LSM12: variants seen among roughly 807,000 people sequenced by gnomAD.
LSM12 encodes protein LSM12.
For missense variants in LSM12, 108 were observed against 238.9 expected, an observed-to-expected ratio of 0.45 and a Z score of 3.61; for synonymous variants, 74 against 87.3, an observed-to-expected ratio of 0.85 and a Z score of 0.85.
chr17:44,051,389 CAAAAAAAAAA>C lies in LSM12; in HGVS notation c.259-11143_259-11134del, dbSNP rs57974319. Among the ~76,000 whole-genome samples the C allele has an allele frequency of 6.1e-4, 70 of 114,932 alleles. 1 individual carries two copies. The Middle Eastern group carries it at 0.034, about 57-fold the overall frequency. 75.4% of individuals were successfully genotyped at this position (114,932 alleles called of 152,430 possible). ...CTGGCGACAGAGCGAGACTCCGTCT[CAAAAAAAAAA>C]AAAAAAAAAAAAAAAAATTAGCTGG... On this transcript the variant is annotated intron_variant, in intron 2 of 4. Coordinates refer to ENST00000293406, the MANE Select transcript of LSM12 (RefSeq NM_001371445.1).
At chr17:44,040,928 C>G (rs2049479278) in intron 2 of LSM12, among the ~76,000 whole-genome samples, 1 of 151,700 alleles carries the variant, frequency 6.6e-6, no homozygotes, top group Non-Finnish European at 1.5e-5. Context: ...CTGCAGGGAG[C>G]TGAGATCGCG....
In LSM12 at chr17:44,062,091, G is replaced by A. The variant is rs756114265; in HGVS notation, c.258+1710C>T. 5.3e-5 allele frequency among the ~76,000 whole-genome samples: 8 copies of A among 152,036 alleles called. No homozygotes were observed. The South Asian group carries it at 6.3e-4, about 12-fold the overall frequency. ...AAAAAAGTTAGCCGGGCGTGGTGTC[G>A]GGCGCCTGTAGTCCCAGCTACTAGG... On this transcript the variant is annotated intron_variant, in intron 2 of 4. Transcript: ENST00000293406.
intron 2 of LSM12, among the ~76,000 whole-genome samples, chr17:44,052,841 A>G (rs1476945700): frequency 2.6e-5 from 4 of 151,118 alleles, no homozygotes; most frequent in Admixed American, 2.0e-4. Flanking sequence ...TTACATAATT[A>G]ATAAATAAAT....
chr17:44,050,128 T>C (rs1466827777), intron 2 of LSM12, among the ~76,000 whole-genome samples: 1 of 152,024 alleles, frequency 6.6e-6, no homozygotes, highest in Non-Finnish European at 1.5e-5. Context: ...AGATGGAGTT[T>C]CTCTCTTGTT....
At chr17:44,063,663 T>A (rs766453766) in intron 2 of LSM12, 138 bp downstream of exon 2, 3 of 1,048,102 alleles carry the variant, frequency 2.9e-6, no homozygotes, top group Non-Finnish European at 3.9e-6. Context: ...AAACCTACAT[T>A]TTTTAAAAAG....
upstream of LSM12, among the ~76,000 whole-genome samples, chr17:44,067,234 A>AGGTT (rs2049892136): frequency 1.3e-5 from 2 of 152,236 alleles, no homozygotes; most frequent in Non-Finnish European, 2.9e-5. Context: ...TGGAAGGCGG[A>AGGTT]GGTTGCACTG....
chr17:44,048,018 AACACACAC>A (rs57164806), intron 2 of LSM12, among the ~76,000 whole-genome samples: 10,239 of 137,398 alleles, frequency 0.075, 615 homozygotes, highest in African/African-American at 0.16. Flanking sequence ...GTCCGTATTA[AACACACAC>A]ACACACACAC....
intron 2 of LSM12, among the ~76,000 whole-genome samples, chr17:44,057,343 T>A (rs1196363535): frequency 6.9e-6 from 1 of 144,294 alleles, no homozygotes; most frequent in African/African-American, 2.5e-5. Flanking sequence ...AGAGACGGGG[T>A]TTCACCATGT....
chr17:44,057,054 G>A (rs2049724529), intron 2 of LSM12, among the ~76,000 whole-genome samples: 1 of 152,016 alleles, frequency 6.6e-6, no homozygotes, highest in South Asian at 2.1e-4. Context: ...TACTCGGGAG[G>A]CTGAGACAGG....
chr17:44,043,446 C>T (rs2049520937), intron 2 of LSM12, among the ~76,000 whole-genome samples: 1 of 152,028 alleles, frequency 6.6e-6, no homozygotes, highest in Non-Finnish European at 1.5e-5. Context: ...ACAAGAAAGC[C>T]TTGTAGTTTC....
At chr17:44,062,304 CT>C (rs1321073367) in intron 2 of LSM12, among the ~76,000 whole-genome samples, 3 of 151,730 alleles carry the variant, frequency 2.0e-5, no homozygotes, top group African/African-American at 7.3e-5. Context: ...AAGCATTCCC[CT>C]TTACTCTCAA....
At chr17:44,038,967 G>A (rs72822645) in intron 3 of LSM12, among the ~76,000 whole-genome samples, 21,765 of 152,186 alleles carry the variant, frequency 0.14, 2,026 homozygotes, top group Non-Finnish European at 0.2. Context: ...AGTGTGGGGT[G>A]GGGGGAGGCG....
At chr17:44,062,673 G>C (rs999495864) in intron 2 of LSM12, among the ~76,000 whole-genome samples, 1 of 152,058 alleles carries the variant, frequency 6.6e-6, no homozygotes, top group Non-Finnish European at 1.5e-5. Context: ...GATCACTTGA[G>C]GTCAGAAGTT....
chr17:44,060,353 C>T (rs900683834), intron 2 of LSM12, among the ~76,000 whole-genome samples: 2 of 152,082 alleles, frequency 1.3e-5, no homozygotes, highest in Non-Finnish European at 2.9e-5. Flanking sequence ...TAACTTTTCA[C>T]GTCATTCATG....
chr17:44,062,649 G>A (rs1431805076), intron 2 of LSM12, among the ~76,000 whole-genome samples: 1 of 152,124 alleles, frequency 6.6e-6, no homozygotes, highest in Non-Finnish European at 1.5e-5. Context: ...CACTTTGGGA[G>A]GCTGAGGCAG....
At chr17:44,047,119 A>G (rs2049579765) in intron 2 of LSM12, among the ~76,000 whole-genome samples, 2 of 152,208 alleles carry the variant, frequency 1.3e-5, no homozygotes, top group African/African-American at 4.8e-5. Context: ...GCAGAAGTAT[A>G]GCAGTTTCAC....
intron 2 of LSM12, among the ~76,000 whole-genome samples, chr17:44,041,861 A>C (rs546995057): frequency 1.1e-4 from 16 of 152,362 alleles, no homozygotes; most frequent in African/African-American, 3.8e-4. Context: ...AATGCATCTT[A>C]AAAGTCCAAC....
chr17:44,067,480 TC>T (rs1423885355), upstream of LSM12: 8 of 152,330 alleles, frequency 5.3e-5, no homozygotes, highest in East Asian at 1.5e-3. Context: ...TATTGTCACT[TC>T]TTGAGCATCT....
At chr17:44,067,428 G>C (rs2049893569), upstream of LSM12, 2 of 152,232 alleles carry the variant, frequency 1.3e-5, no homozygotes, top group African/African-American at 4.8e-5. Flanking sequence ...ACCTGACCTT[G>C]AGCAAGCAAA....
Sources: allele counts gnomAD v4.1 joint callset (sites outside exome capture counted in the v4.1 genomes callset), GRCh38; gene constraint gnomAD v4.1.1; transcripts MANE v1.5; gene names NCBI Gene and HGNC (gene_info 2026-07-23, HGNC 2026-07-21).